TTF1: variants seen among roughly 807,000 people sequenced by gnomAD.
TTF1 encodes the protein transcription termination factor, RNA polymerase I.
Under a neutral mutation model 80.2 loss-of-function variants are expected in TTF1, and 64 were observed. The observed-to-expected ratio is 0.80, with a 90% confidence interval of 0.65 to 0.98. The LOEUF (loss-of-function observed/expected upper bound fraction) is 0.98. Among genes scored for constraint, TTF1 ranks in the 50% least tolerant of loss-of-function variants. TTF1 has a pLI of 0.00. For missense variants in TTF1, 1,023 were observed against 1,086.2 expected, an observed-to-expected ratio of 0.94 and a Z score of 0.82; for synonymous variants, 372 against 382.7, an observed-to-expected ratio of 0.97 and a Z score of 0.33.
At chr9:132,397,814 G>A (rs553057957) in intron 4 of TTF1, among the ~76,000 whole-genome samples, 8 of 151,988 alleles carry the variant, frequency 5.3e-5, no homozygotes, top group Non-Finnish European at 8.8e-5. Context: ...GTGAAACCCC[G>A]TCTCTACTAA....
At chr9:132,399,781 G>A (rs1849725638) in intron 3 of TTF1, among the ~76,000 whole-genome samples, 4 of 152,128 alleles carry the variant, frequency 2.6e-5, no homozygotes. Context: ...TCTTCTTAGT[G>A]GGAATTAATT....
In TTF1 at chr9:132,390,770, T is replaced by C. The variant is rs1849546154; in HGVS notation, c.2049A>G (p.Glu683=). The change falls in exon 7 of 11, where the codon GAA becomes GAG. Residue 683 remains glutamate, a synonymous_variant. Transcript: ENST00000334270. Reference sequence around the variant, plus strand: ...GGGGAGACATCTTCTTCAGAATCACTTCTTCGACAGCCTTGATTAGTTTCC... The same window carrying C: ...GGGGAGACATCTTCTTCAGAATCACCTCTTCGACAGCCTTGATTAGTTTCC... ...ETRKLIKAVE[E]VILKKMSPQE... 6.2e-7 allele frequency: 1 copy of C among 1,614,226 alleles called. No homozygotes were observed. The highest frequency in any genetic ancestry group is 1.3e-5 in the African/African-American group (1 of 75,054).
chr9:132,395,553 T>C lies in TTF1; in HGVS notation c.1856+880A>G, dbSNP rs550711435. Among the ~76,000 whole-genome samples, 13 of 152,282 alleles carry C rather than the reference T, an allele frequency of 8.5e-5. No homozygotes were observed. The East Asian group carries it at 2.3e-3, about 27-fold the overall frequency. The stretch of plus-strand genomic sequence containing the variant: ...TGTTCACAATTGTCTAACCTCAGGA[T>C]TGGGGAAAAACAGGCAGGGCAGGTC... On this transcript the variant is annotated intron_variant, in intron 5 of 10. Coordinates refer to ENST00000334270, the MANE Select transcript of TTF1 (RefSeq NM_007344.4).
chr9:132,396,369 T>G (rs1454899124), intron 5 of TTF1, 64 bp downstream of exon 5: 1 of 1,491,178 alleles, frequency 6.7e-7, no homozygotes, highest in South Asian at 1.1e-5. Flanking sequence ...GTGAATATTT[T>G]GATTTATGGT....
At chr9:132,380,114 G>A (rs1849342966) in intron 9 of TTF1, among the ~76,000 whole-genome samples, 1 of 151,880 alleles carries the variant, frequency 6.6e-6, no homozygotes, top group South Asian at 2.1e-4. Context: ...CTGTCACCCA[G>A]GCTGGAGTGC....
At chr9:132,405,048 G>A (rs149402220) in intron 1 of TTF1, among the ~76,000 whole-genome samples, 40 of 151,380 alleles carry the variant, frequency 2.6e-4, no homozygotes, top group African/African-American at 9.0e-4. Context: ...ACGACGCCAG[G>A]CTAATTTTTT....
Position 132,402,105 on chromosome 9 carries a change from T to A in TTF1, c.717A>T (p.Gly239=). The change falls in exon 2 of 11, where the codon GGA becomes GGT. Residue 239 remains glycine (G), a synonymous_variant. Transcript: ENST00000334270. ...REYETLAMPE[G]SQAGREAGTD... ...TCCCGGCCTCTCTGCCTGCTTGCGA[T>A]CCTTCAGGCATGGCCAGTGTCTCAT... 6.2e-7 allele frequency: 1 copy of A among 1,614,118 alleles called. No individual in the cohort carries two copies. Among genetic ancestry groups the A allele is most frequent in the Non-Finnish European group, 8.5e-7 (1 of 1,180,028 alleles).
intron 8 of TTF1, among the ~76,000 whole-genome samples, chr9:132,387,461 G>C (rs549168704): frequency 6.6e-6 from 1 of 152,068 alleles, no homozygotes; most frequent in African/African-American, 2.4e-5. Context: ...GACTGGGCGG[G>C]GGCATAACCA....
chr9:132,381,485 C>T (rs1023997485), intron 9 of TTF1, among the ~76,000 whole-genome samples: 8 of 152,156 alleles, frequency 5.3e-5, no homozygotes, highest in African/African-American at 9.7e-5. Flanking sequence ...TCACCACGCC[C>T]GGCCGAAAAG....
intron 1 of TTF1, 90 bp from the exon 2 acceptor site, chr9:132,402,918 C>T (rs1040288231): frequency 6.9e-5 from 89 of 1,290,706 alleles, no homozygotes; most frequent in Non-Finnish European, 8.1e-5. Flanking sequence ...TGCAGTGGCG[C>T]GATCTCGGCT....
chr9:132,376,359 T>G (rs113077177), intron 10 of TTF1, among the ~76,000 whole-genome samples, 191 bp from the exon 11 acceptor site: 3,645 of 152,264 alleles, frequency 0.024, 67 homozygotes, highest in Non-Finnish European at 0.037. Context: ...AGGCACTGTT[T>G]TTAACTTGTT....
At chr9:132,398,440 C>A in intron 3 of TTF1, 114 bp from the exon 4 acceptor site, 2 of 1,090,800 alleles carry the variant, frequency 1.8e-6, no homozygotes, top group South Asian at 1.6e-5. Flanking sequence ...AGTCCCAACA[C>A]CTGACATTCG....
Position 132,401,399 on chromosome 9 carries a change from G to A in TTF1, c.1367+56C>T, listed in dbSNP as rs140490386. On this transcript the variant is annotated intron_variant, in intron 2 of 10. Coordinates refer to ENST00000334270, the MANE Select transcript of TTF1 (RefSeq NM_007344.4). ...AGTCTGTGCTAAATAAAGAGGTATC[G>A]GCAGAATCCATACGAAAGAAATATA... 1,019 of 1,520,456 alleles carry A rather than the reference G, an allele frequency of 6.7e-4. 7 individuals carry two copies. In the African/African-American group the frequency reaches 0.011, roughly 16 times the overall value. The allele number at this position is 1,520,456 out of a possible 1,614,324, so 94.2% of individuals were successfully genotyped here.
At chr9:132,405,020 G>A (rs913354800) in intron 1 of TTF1, among the ~76,000 whole-genome samples, 2 of 147,190 alleles carry the variant, frequency 1.4e-5, no homozygotes, top group Admixed American at 6.8e-5. Context: ...CGAGTAGCTG[G>A]GACTACAGGT....
intron 10 of TTF1, among the ~76,000 whole-genome samples, chr9:132,377,436 A>G (rs374017325): frequency 2.1e-5 from 1 of 46,634 alleles, no homozygotes; most frequent in Non-Finnish European, 3.9e-5. Flanking sequence ...ATGTGGTGTG[A>G]GTGCATGCAT....
chr9:132,378,145 T>C (rs1274756835), intron 10 of TTF1, among the ~76,000 whole-genome samples: 3 of 117,612 alleles, frequency 2.6e-5, no homozygotes, highest in African/African-American at 3.3e-5. Flanking sequence ...TGTGAGTGCA[T>C]GTGGTGTGTG....
intron 7 of TTF1, 50 bp downstream of exon 7, chr9:132,390,547 C>A (rs1174858479): frequency 2.6e-6 from 4 of 1,563,630 alleles, no homozygotes; most frequent in Middle Eastern, 1.7e-4. Context: ...GGTAACCTCA[C>A]CTCTCCACAG....
intron 5 of TTF1, among the ~76,000 whole-genome samples, chr9:132,395,604 C>T (rs1248592436): frequency 2.0e-5 from 3 of 152,156 alleles, no homozygotes; most frequent in African/African-American, 7.2e-5. Context: ...ACTTTCCTCA[C>T]CTAAGGCTGA....
At chr9:132,377,275 AGTGCATGTG>A in intron 10 of TTF1, among the ~76,000 whole-genome samples, 1 of 115,190 alleles carries the variant, frequency 8.7e-6, no homozygotes, top group Non-Finnish European at 1.7e-5. Context: ...GTGTGGTGTG[AGTGCATGTG>A]GTGCATGTGA....
Sources: allele counts gnomAD v4.1 joint callset (sites outside exome capture counted in the v4.1 genomes callset), GRCh38; gene constraint gnomAD v4.1.1; transcripts MANE v1.5; gene names NCBI Gene and HGNC (gene_info 2026-07-23, HGNC 2026-07-21).